Variants in CACHD1 observed in about 807,000 individuals in gnomAD.
CACHD1 encodes cache domain containing 1.
CACHD1 carries 71 observed loss-of-function variants against 138.7 expected under a neutral mutation model. The ratio of observed to expected loss-of-function variants is 0.51; its 90% confidence interval spans 0.42 to 0.62. The LOEUF (loss-of-function observed/expected upper bound fraction) is 0.62, where lower values mean the gene tolerates loss of function less well. Among genes scored for constraint, CACHD1 ranks in the 20% least tolerant of loss-of-function variants. The pLI is 0.00. For missense variants in CACHD1, 1,389 were observed against 1,625.3 expected (o/e 0.85, Z 2.50); for synonymous variants, 578 against 591.5 (o/e 0.98, Z 0.33).
Position 64,596,744 on chromosome 1 carries a change from A to G in CACHD1, c.411-6062A>G, listed in dbSNP as rs1007829482. Reference sequence around the variant, plus strand: ...CCTTTTGCACTTATCTCAGCATTTTAGCAGTGATTAAAAACAAGCAAACAA... The same window carrying G: ...CCTTTTGCACTTATCTCAGCATTTTGGCAGTGATTAAAAACAAGCAAACAA... On this transcript the variant is annotated intron_variant, in intron 3 of 26. Coordinates refer to ENST00000651257, the MANE Select transcript of CACHD1 (RefSeq NM_020925.4). 7.9e-5 allele frequency among the ~76,000 whole-genome samples: 12 copies of G among 152,304 alleles called. No homozygotes were observed. The South Asian group carries it at 1.5e-3, about 18-fold the overall frequency.
rs184760403 is a variant in CACHD1, at chr1:64,540,713, G to C, written c.199-9881G>C. Among the ~76,000 whole-genome samples, 6 of 152,250 alleles carry C rather than the reference G, an allele frequency of 3.9e-5. No homozygotes were observed. The East Asian group carries it at 1.2e-3, about 29-fold the overall frequency. On this transcript the variant is annotated intron_variant, in intron 1 of 26. Transcript: ENST00000651257. ...GTGATCAAGACTAGAAACTCTTCTCGCTGAGATGATTGCTTTAGATTTTCC... is the reference window on the plus strand; with the variant it reads ...GTGATCAAGACTAGAAACTCTTCTCCCTGAGATGATTGCTTTAGATTTTCC...
chr1:64,663,122 C>T (rs1261767959), intron 13 of CACHD1, among the ~76,000 whole-genome samples: 1 of 152,182 alleles, frequency 6.6e-6, no homozygotes, highest in Admixed American at 6.5e-5. Context: ...CCCCTCATTC[C>T]TCATAAGATA....
intron 2 of CACHD1, among the ~76,000 whole-genome samples, chr1:64,577,983 A>G (rs527667953): frequency 1.2e-4 from 18 of 152,254 alleles, no homozygotes; most frequent in East Asian, 1.2e-3. Flanking sequence ...TCTCCCATCA[A>G]CCAGTCACCC....
chr1:64,547,984 C>G (rs925393700), intron 1 of CACHD1, among the ~76,000 whole-genome samples: 1 of 152,072 alleles, frequency 6.6e-6, no homozygotes. Flanking sequence ...TTTGCCCACC[C>G]ACATTTATTA....
At chr1:64,659,880 C>G (rs929330887) in intron 13 of CACHD1, among the ~76,000 whole-genome samples, 2 of 152,180 alleles carry the variant, frequency 1.3e-5, no homozygotes, top group African/African-American at 4.8e-5. Flanking sequence ...TCTCTAGATT[C>G]CAAATGATAG....
intron 1 of CACHD1, among the ~76,000 whole-genome samples, chr1:64,482,542 T>C (rs1646217363): frequency 6.6e-6 from 1 of 152,194 alleles, no homozygotes; most frequent in African/African-American, 2.4e-5. Context: ...GTTGCTGCCC[T>C]GAGTGGTTTT....
chr1:64,628,314 T>G (rs186204129), intron 4 of CACHD1, among the ~76,000 whole-genome samples: 1 of 152,348 alleles, frequency 6.6e-6, no homozygotes, highest in East Asian at 1.9e-4. Flanking sequence ...TCCATTTCCA[T>G]CTGTATAAGT....
chr1:64,664,278 A>G, intron 14 of CACHD1: 1 of 573,990 alleles, frequency 1.7e-6, no homozygotes, highest in Non-Finnish European at 3.1e-6. Context: ...CAGAAAGCCT[A>G]GGTAGGGTGA....
At chr1:64,669,741 A>G (rs1304434248) in intron 16 of CACHD1, among the ~76,000 whole-genome samples, 1 of 151,904 alleles carries the variant, frequency 6.6e-6, no homozygotes, top group Non-Finnish European at 1.5e-5. Context: ...GTAACAGTGT[A>G]CCCATCTGAA....
intron 1 of CACHD1, among the ~76,000 whole-genome samples, chr1:64,473,086 C>T (rs778114901): frequency 6.6e-6 from 1 of 152,144 alleles, no homozygotes; most frequent in Non-Finnish European, 1.5e-5. Context: ...CCAAATGGTC[C>T]TTTATCTCCT....
chr1:64,675,662 T>G, intron 20 of CACHD1, 101 bp downstream of exon 20: 1 of 1,390,936 alleles, frequency 7.2e-7, no homozygotes. Flanking sequence ...AGTGCTGGTG[T>G]GTGTCCTGAA....
intron 1 of CACHD1, among the ~76,000 whole-genome samples, chr1:64,486,618 G>C (rs1646244928): frequency 2.0e-5 from 3 of 152,144 alleles, no homozygotes; most frequent in Admixed American, 1.3e-4. Context: ...GAGTTTTGCA[G>C]TTCTTGTTTT....
chr1:64,549,797 T>TA (rs59735457), intron 1 of CACHD1, among the ~76,000 whole-genome samples: 5,577 of 148,726 alleles, frequency 0.037, 146 homozygotes, highest in East Asian at 0.12. Flanking sequence ...CTCTTTTTAT[T>TA]TTTTTTATTT....
chr1:64,582,218 A>C lies in CACHD1; in HGVS notation c.324A>C (p.Gln108His), dbSNP rs180683787. 6.2e-7 allele frequency: 1 copy of C among 1,614,082 alleles called. No individual in the cohort carries two copies. Among genetic ancestry groups the C allele is most frequent in the African/African-American group, 1.3e-5 (1 of 75,060 alleles). Residue 108 changes from glutamine (Q) to histidine (H), a missense_variant, in exon 3 of 27, where the codon CAA becomes CAC. Physicochemically the swap from Gln to His is conservative, Grantham distance 24. Around this residue, in one of 5 missense-constraint regions of CACHD1, gnomAD observed 1,000 missense variants for 1,114.7 expected, o/e 0.90. Coordinates refer to ENST00000651257, the MANE Select transcript of CACHD1 (RefSeq NM_020925.4). ...TGGATGTGGTCAATCGGAACAAGCA[A>C]GTTGTAGAAGCATCCTATACGGCTC... ...RYLDVVNRNK[Q>H]VVEASYTAHL...
intron 1 of CACHD1, among the ~76,000 whole-genome samples, chr1:64,473,893 G>T (rs928715622): frequency 6.6e-6 from 1 of 152,032 alleles, no homozygotes; most frequent in Non-Finnish European, 1.5e-5. Context: ...GTTGCAAGGG[G>T]GTAATTTTAC....
At chr1:64,606,001 A>G (rs1647324954) in intron 4 of CACHD1, among the ~76,000 whole-genome samples, 1 of 152,014 alleles carries the variant, frequency 6.6e-6, no homozygotes. Context: ...ATGGTCTCCT[A>G]CCTGTTAAGT....
In CACHD1 at chr1:64,663,845, T is replaced by A; in HGVS notation, c.2094+8T>A. ...GCTAACCCGGGCCTCAAAGTAAGCA[T>A]TGGCGCAGAGCTCCATTTCTGGTGT... On this transcript the variant is annotated splice_region_variant and intron_variant, in intron 14 of 26. Coordinates refer to ENST00000651257, the MANE Select transcript of CACHD1 (RefSeq NM_020925.4). The A allele has an allele frequency of 6.2e-7, 1 of 1,614,100 alleles. No homozygotes were observed. Among genetic ancestry groups the A allele is most frequent in the Non-Finnish European group, 8.5e-7 (1 of 1,179,984 alleles).
At position 64,614,866 on chromosome 1, in the gene CACHD1, G is replaced by A. The variant is rs191141482; in HGVS notation, c.517+11954G>A. On this transcript the variant is annotated intron_variant, in intron 4 of 26. Transcript: ENST00000651257. ...AATTAACGTAGAGACCCCCCAAAAGGTTTCCCTGCTTCTCTTCCCTCTTTT... is the reference window on the plus strand; with the variant it reads ...AATTAACGTAGAGACCCCCCAAAAGATTTCCCTGCTTCTCTTCCCTCTTTT... Among the ~76,000 whole-genome samples, 9 of 152,174 alleles carry A rather than the reference G, an allele frequency of 5.9e-5. No individual in the cohort carries two copies. In the East Asian group the frequency reaches 1.2e-3, roughly 20 times the overall value.
chr1:64,490,701 G>T (rs1646269909), intron 1 of CACHD1, among the ~76,000 whole-genome samples: 1 of 152,164 alleles, frequency 6.6e-6, no homozygotes, highest in African/African-American at 2.4e-5. Flanking sequence ...TCGTGCAAAG[G>T]CAGAGTGACT....
Sources: allele counts gnomAD v4.1 joint callset (sites outside exome capture counted in the v4.1 genomes callset), GRCh38; gene constraint gnomAD v4.1.1; regional missense constraint gnomAD v4.1.1; transcripts MANE v1.5; gene names NCBI Gene and HGNC (gene_info 2026-07-23, HGNC 2026-07-21).